Variants in USP10 observed in about 807,000 individuals in gnomAD.
USP10 encodes ubiquitin specific peptidase 10.
Under a neutral mutation model 84.5 loss-of-function variants are expected in USP10, and 22 were observed. The ratio of observed to expected loss-of-function variants is 0.26; its 90% CI spans 0.19 to 0.37. The LOEUF is 0.37. USP10 is among the 10% of genes least tolerant of loss of function. USP10 has a pLI of 1.00. For missense variants in USP10, 1,019 were observed against 998.9 expected (o/e 1.02, Z -0.27); for synonymous variants, 454 against 387.6 (o/e 1.17, Z -2.01).
Position 84,740,377 on chromosome 16 carries a change from A to C in USP10, c.151+8A>C, listed in dbSNP as rs776836845. ...TGGATAAACTACCTGATGGTAAGCT[A>C]GTTCTCTCCTTATTTCCCTGAAGGG... On this transcript the variant is annotated splice_region_variant and intron_variant, in intron 3 of 13. Coordinates refer to ENST00000219473, the MANE Select transcript of USP10 (RefSeq NM_005153.3). The C allele has an allele frequency of 1.2e-6, 2 of 1,611,294 alleles. No homozygotes were observed. The highest frequency in any genetic ancestry group is 1.7e-4 in the Middle Eastern group (1 of 6,056).
At chr16:84,743,232 C>G (rs986281603) in intron 3 of USP10, among the ~76,000 whole-genome samples, 1 of 152,194 alleles carries the variant, frequency 6.6e-6, no homozygotes, top group African/African-American at 2.4e-5. Context: ...CATGCATAAA[C>G]TTGCTGTTAG....
intron 4 of USP10, among the ~76,000 whole-genome samples, chr16:84,757,520 G>T (rs1912726479): frequency 6.6e-6 from 1 of 151,294 alleles, no homozygotes; most frequent in Non-Finnish European, 1.5e-5. Context: ...ATGTAGTTTA[G>T]AAAAGAAAAG....
intron 4 of USP10, among the ~76,000 whole-genome samples, chr16:84,753,241 C>G (rs770435209): frequency 1.2e-4 from 19 of 152,148 alleles, no homozygotes; most frequent in Non-Finnish European, 2.4e-4. Context: ...CATAGCCTCC[C>G]AAAGTGTTGC....
intron 11 of USP10, among the ~76,000 whole-genome samples, 175 bp downstream of exon 11, chr16:84,768,533 C>A (rs1914099820): frequency 6.6e-6 from 1 of 152,118 alleles, no homozygotes; most frequent in Admixed American, 6.6e-5. Context: ...AAACGTGATC[C>A]CAAGGGCCTC....
intron 12 of USP10, 83 bp from the exon 13 acceptor site, chr16:84,775,077 G>A (rs544978106): frequency 8.4e-7 from 1 of 1,192,474 alleles, no homozygotes; most frequent in Admixed American, 1.7e-5. Flanking sequence ...ACTTGCTGGG[G>A]AGAATGTTGT....
chr16:84,776,731 AC>A (rs1357029548), intron 13 of USP10, among the ~76,000 whole-genome samples: 1 of 151,806 alleles, frequency 6.6e-6, no homozygotes, highest in Non-Finnish European at 1.5e-5. Flanking sequence ...GAGCACACAC[AC>A]CCCTCCCCGA....
intron 1 of USP10, among the ~76,000 whole-genome samples, chr16:84,705,153 G>A (rs759844278): frequency 4.6e-5 from 7 of 152,108 alleles, no homozygotes; most frequent in African/African-American, 1.4e-4. Flanking sequence ...TGGCTCAGGA[G>A]TCTCAAAACC....
chr16:84,779,255 G>C lies in USP10; in HGVS notation c.*173G>C. 1.6e-6 allele frequency: 1 copy of C among 609,534 alleles called. No homozygotes were observed. Among genetic ancestry groups the C allele is most frequent in the Non-Finnish European group, 2.7e-6 (1 of 372,816 alleles). 37.8% of individuals were successfully genotyped at this position (609,534 alleles called of 1,614,324 possible). A position where few individuals can be genotyped will look rare whatever the true frequency, so the allele number is the denominator to read the frequency against. Reference sequence around the variant, plus strand: ...GTTCGTGCACAACACAGCTTCTGTTGACTCTAACTTCCAAATCAAAATCAT... The same window carrying C: ...GTTCGTGCACAACACAGCTTCTGTTCACTCTAACTTCCAAATCAAAATCAT... On this transcript the variant is annotated 3_prime_UTR_variant, in exon 14 of 14. Coordinates refer to ENST00000219473, the MANE Select transcript of USP10 (RefSeq NM_005153.3).
At chr16:84,702,732 C>T (rs1021847131) in intron 1 of USP10, among the ~76,000 whole-genome samples, 1 of 152,034 alleles carries the variant, frequency 6.6e-6, no homozygotes, top group East Asian at 1.9e-4. Flanking sequence ...GTGGCTCGTG[C>T]CTGTAATCCC....
chr16:84,749,833 A>C (rs1164459506), intron 4 of USP10, among the ~76,000 whole-genome samples: 1 of 152,284 alleles, frequency 6.6e-6, no homozygotes, highest in Non-Finnish European at 1.5e-5. Context: ...AACGGGTTCT[A>C]CTTGGACCTT....
At chr16:84,715,144 G>A (rs1475752744) in intron 1 of USP10, among the ~76,000 whole-genome samples, 1 of 152,020 alleles carries the variant, frequency 6.6e-6, no homozygotes, top group Non-Finnish European at 1.5e-5. Context: ...TGGCCGGTCT[G>A]GTCTCGACCT....
At chr16:84,764,410 C>T in intron 10 of USP10, 147 bp downstream of exon 10, 1 of 1,096,838 alleles carries the variant, frequency 9.1e-7, no homozygotes, top group Non-Finnish European at 1.3e-6. Context: ...TCTTGCACTT[C>T]CTGATGCTTC....
chr16:84,750,549 T>C (rs1272386845), intron 4 of USP10, among the ~76,000 whole-genome samples: 4 of 151,988 alleles, frequency 2.6e-5, no homozygotes, highest in African/African-American at 9.7e-5. Context: ...TACTTTGGAG[T>C]TGACGAACAT....
chr16:84,733,835 C>T (rs1226110052), intron 2 of USP10, among the ~76,000 whole-genome samples: 1 of 152,290 alleles, frequency 6.6e-6, no homozygotes, highest in African/African-American at 2.4e-5. Flanking sequence ...TTATCATATA[C>T]GTGTATATCA....
chr16:84,753,607 AC>A (rs1186001266), intron 4 of USP10, among the ~76,000 whole-genome samples: 3 of 151,442 alleles, frequency 2.0e-5, no homozygotes, highest in Non-Finnish European at 4.4e-5. Context: ...CAGGGCGCGA[AC>A]CCCCGTCTTC....
intron 11 of USP10, among the ~76,000 whole-genome samples, chr16:84,769,895 C>A (rs921483836): frequency 6.6e-6 from 1 of 152,040 alleles, no homozygotes; most frequent in Non-Finnish European, 1.5e-5. Flanking sequence ...TGTTGTTAGA[C>A]GGTAGTGAAG....
At chr16:84,754,689 A>G (rs541231517) in intron 4 of USP10, among the ~76,000 whole-genome samples, 7 of 152,244 alleles carry the variant, frequency 4.6e-5, no homozygotes, top group African/African-American at 1.7e-4. Flanking sequence ...TGATGTAGAA[A>G]CTAAAGGTTT....
At chr16:84,755,173 C>G (rs1051301238) in intron 4 of USP10, among the ~76,000 whole-genome samples, 8 of 150,980 alleles carry the variant, frequency 5.3e-5, no homozygotes, top group African/African-American at 2.0e-4. Flanking sequence ...GCCCTGGTGG[C>G]TGCTTTCATT....
intron 4 of USP10, among the ~76,000 whole-genome samples, chr16:84,758,385 G>GT (rs1174538218): frequency 2.6e-5 from 4 of 152,136 alleles, no homozygotes; most frequent in Non-Finnish European, 4.4e-5. Context: ...AAGAAAGGCT[G>GT]TATCTCTCAA....
Sources: gnomAD v4.1 joint callset for allele counts (sites outside exome capture counted in the v4.1 genomes callset) on GRCh38, gnomAD v4.1.1 for gene constraint, MANE v1.5 for transcripts, NCBI Gene and HGNC (gene_info 2026-07-23, HGNC 2026-07-21) for gene names.